Variants in PCDH9 observed in about 807,000 individuals in gnomAD.
PCDH9 encodes the protein protocadherin 9.
A neutral mutation model predicts 70.6 loss-of-function variants in PCDH9; 24 were observed. The ratio of observed to expected loss-of-function variants is 0.34; its 90% CI spans 0.25 to 0.48. The LOEUF (loss-of-function observed/expected upper bound fraction) is 0.48. PCDH9 is among the 20% of genes least tolerant of loss of function. PCDH9 has a pLI of 0.99. For missense variants in PCDH9, 1,281 were observed against 1,503.6 expected, an observed-to-expected ratio of 0.85 and a Z score of 2.45; for synonymous variants, 562 against 558.5, an observed-to-expected ratio of 1.01 and a Z score of -0.09.
intron 2 of PCDH9, among the ~76,000 whole-genome samples, chr13:67,121,581 A>G (rs1194488742): frequency 1.3e-5 from 2 of 152,172 alleles, no homozygotes; most frequent in African/African-American, 4.8e-5. Context: ...TTTACATATT[A>G]TCAGGAATCT....
intron 3 of PCDH9, among the ~76,000 whole-genome samples, chr13:66,709,777 G>A (rs1056224040): frequency 9.9e-5 from 15 of 152,136 alleles, no homozygotes; most frequent in African/African-American, 3.6e-4. Context: ...CTAAGGCTGT[G>A]ATACAGAACA....
chr13:66,628,008 AT>A lies in PCDH9; in HGVS notation c.3340+3201del, dbSNP rs201715590. Reference sequence around the variant, plus strand: ...ATACTTTAAAAGCTAGGAAAAATATATTTTTTTCTTTTCCCTTTTCTATGAT... The same window carrying A: ...ATACTTTAAAAGCTAGGAAAAATATATTTTTTCTTTTCCCTTTTCTATGAT... On this transcript the variant is annotated intron_variant, in intron 4 of 4. Transcript: ENST00000377865. Among the ~76,000 whole-genome samples, 637 of 152,200 alleles carry A rather than the reference AT, an allele frequency of 4.2e-3. 20 individuals are homozygous for A. The East Asian group carries it at 0.081, about 19-fold the overall frequency.
chr13:66,503,418 A>G (rs1471313706), intron 4 of PCDH9, among the ~76,000 whole-genome samples: 1 of 152,230 alleles, frequency 6.6e-6, no homozygotes, highest in Non-Finnish European at 1.5e-5. Flanking sequence ...TACCAATCAC[A>G]CAATGTTCAT....
At position 66,527,682 on chromosome 13, in the gene PCDH9, C is replaced by A. The variant is rs200927398; in HGVS notation, c.3340+103528G>T. 4.0e-5 allele frequency among the ~76,000 whole-genome samples: 6 copies of A among 151,368 alleles called. No individual in the cohort carries two copies. In the East Asian group the frequency reaches 1.2e-3, roughly 29 times the overall value. On this transcript the variant is annotated intron_variant, in intron 4 of 4. Transcript: ENST00000377865. ...AGTGGCCCAAAATGTGTAAGAAAGT[C>A]AAAGAAAAAAAGAAAGTATAAAGGA...
In PCDH9 at chr13:66,323,165, C is replaced by G. The variant is rs901177796; in HGVS notation, c.3341-18137G>C. ...TACCTAAAATCCTTGGTCTCTGGTT[C>G]TCTTTTAGGTTTGATGACTGGCTTA... On this transcript the variant is annotated intron_variant, in intron 4 of 4. Coordinates refer to ENST00000377865, the MANE Select transcript of PCDH9 (RefSeq NM_203487.3). 7.9e-5 allele frequency: 12 copies of G among 152,090 alleles called. 1 individual carries two copies. Among genetic ancestry groups the G allele is most frequent in the Admixed American group, 2.6e-4 (4 of 15,280 alleles). 9.4% of individuals were successfully genotyped at this position (152,090 alleles called of 1,614,324 possible). A position where few individuals can be genotyped will look rare whatever the true frequency, so the allele number is the denominator to read the frequency against.
chr13:66,942,847 G>C (rs1196676676), intron 2 of PCDH9, among the ~76,000 whole-genome samples: 1 of 152,114 alleles, frequency 6.6e-6, no homozygotes, highest in South Asian at 2.1e-4. Context: ...AATGGCCTGA[G>C]CCAAGTGTTT....
chr13:67,027,165 T>C (rs1322699464), intron 2 of PCDH9, among the ~76,000 whole-genome samples: 2 of 151,988 alleles, frequency 1.3e-5, no homozygotes, highest in Non-Finnish European at 1.5e-5. Context: ...CTTCAAACTA[T>C]ACTACAAGGC....
intron 4 of PCDH9, among the ~76,000 whole-genome samples, chr13:66,419,098 TAGCCTACCAAC>T (rs1957515091): frequency 3.3e-5 from 5 of 152,076 alleles, no homozygotes; most frequent in Non-Finnish European, 2.9e-5. Context: ...CAATTATTAA[TAGCCTACCAAC>T]CAAAAAAAGC....
At chr13:66,532,747 G>A (rs2138636689) in intron 4 of PCDH9, among the ~76,000 whole-genome samples, 1 of 152,024 alleles carries the variant, frequency 6.6e-6, no homozygotes, top group Admixed American at 6.6e-5. Flanking sequence ...GGCCAAGGAG[G>A]GCAGATGTCA....
intron 4 of PCDH9, among the ~76,000 whole-genome samples, chr13:66,514,295 G>A (rs1324501538): frequency 6.6e-6 from 1 of 151,994 alleles, no homozygotes; most frequent in South Asian, 2.1e-4. Flanking sequence ...TTGGACTTGA[G>A]TTAGCCATAC....
intron 2 of PCDH9, among the ~76,000 whole-genome samples, chr13:67,095,023 C>T (rs537656630): frequency 1.3e-5 from 2 of 152,168 alleles, no homozygotes; most frequent in East Asian, 3.9e-4. Flanking sequence ...ATTTGGCTCT[C>T]CTTATGACAT....
At chr13:66,456,536 AG>A (rs1336010632) in intron 4 of PCDH9, among the ~76,000 whole-genome samples, 6 of 152,274 alleles carry the variant, frequency 3.9e-5, no homozygotes, top group Admixed American at 2.0e-4. Context: ...CAGGGATTAC[AG>A]GCCTGAATTA....
chr13:66,370,156 T>C (rs890545346), intron 4 of PCDH9, among the ~76,000 whole-genome samples: 1 of 152,090 alleles, frequency 6.6e-6, no homozygotes, highest in Non-Finnish European at 1.5e-5. Flanking sequence ...TTTAAATACT[T>C]GCTCTGCCCC....
At chr13:66,509,199 A>G (rs1383558995) in intron 4 of PCDH9, among the ~76,000 whole-genome samples, 3 of 152,130 alleles carry the variant, frequency 2.0e-5, no homozygotes, top group Non-Finnish European at 2.9e-5. Flanking sequence ...TTATTAAATC[A>G]TTTACTTTAG....
chr13:66,483,564 C>T (rs940418982), intron 4 of PCDH9, among the ~76,000 whole-genome samples: 1 of 152,162 alleles, frequency 6.6e-6, no homozygotes, highest in Non-Finnish European at 1.5e-5. Context: ...AAATAAAACT[C>T]ATTTTGTTAA....
intron 4 of PCDH9, among the ~76,000 whole-genome samples, chr13:66,345,963 A>C (rs1309557765): frequency 6.6e-6 from 1 of 152,240 alleles, no homozygotes; most frequent in African/African-American, 2.4e-5. Flanking sequence ...AAAAGCCGTC[A>C]ATAAAACAGG....
chr13:66,475,150 C>T (rs1958698179), intron 4 of PCDH9, among the ~76,000 whole-genome samples: 1 of 152,002 alleles, frequency 6.6e-6, no homozygotes, highest in Non-Finnish European at 1.5e-5. Context: ...TATACAAGTG[C>T]TATATGCTCA....
intron 4 of PCDH9, among the ~76,000 whole-genome samples, chr13:66,530,690 T>C (rs1172292843): frequency 1.3e-5 from 2 of 152,040 alleles, no homozygotes; most frequent in African/African-American, 4.8e-5. Context: ...ATCAGCAACA[T>C]AGGTTTTTTG....
intron 4 of PCDH9, among the ~76,000 whole-genome samples, chr13:66,338,833 T>G (rs902774334): frequency 2.6e-5 from 4 of 152,136 alleles, no homozygotes; most frequent in Non-Finnish European, 4.4e-5. Context: ...TTCTATCCTT[T>G]TAGGCTTCCA....
Sources: gnomAD v4.1 joint callset for allele counts (sites outside exome capture counted in the v4.1 genomes callset) on GRCh38, gnomAD v4.1.1 for gene constraint, MANE v1.5 for transcripts, NCBI Gene and HGNC (gene_info 2026-07-23, HGNC 2026-07-21) for gene names.